INHBC: variants seen among roughly 807,000 people sequenced by gnomAD.
The protein encoded by INHBC is inhibin beta C chain.
A neutral mutation model predicts 12.4 loss-of-function variants in INHBC; 10 were observed. The ratio of observed to expected loss-of-function variants is 0.81; its 90% CI spans 0.50 to 1.37. The LOEUF (loss-of-function observed/expected upper bound fraction) is 1.37, where lower values mean the gene tolerates loss of function less well. Ranked by LOEUF, INHBC falls within the 40% of genes most tolerant of loss-of-function variation. INHBC has a pLI of 0.00. For missense variants in INHBC, 382 were observed against 439.4 expected (o/e 0.87, Z 1.17); for synonymous variants, 147 against 171.6 (o/e 0.86, Z 1.12).
chr12:57,443,761 G>A (rs1335017426), intron 1 of INHBC, among the ~76,000 whole-genome samples: 3 of 152,108 alleles, frequency 2.0e-5, no homozygotes, highest in Non-Finnish European at 4.4e-5. Context: ...TTATAGAAAT[G>A]AAAGACCATT....
intron 1 of INHBC, among the ~76,000 whole-genome samples, chr12:57,448,608 G>A (rs1250685232): frequency 6.6e-6 from 1 of 150,504 alleles, no homozygotes; most frequent in Non-Finnish European, 1.5e-5. Context: ...GCTTGACCAT[G>A]AGTCTAATTA....
chr12:57,445,814 C>T (rs1431426591), intron 1 of INHBC, among the ~76,000 whole-genome samples: 1 of 146,588 alleles, frequency 6.8e-6, no homozygotes, highest in Admixed American at 7.1e-5. Flanking sequence ...GGCATGATCT[C>T]GGCTCACTGC....
In INHBC at chr12:57,445,713, A is replaced by ACCCC. The variant is rs34861543; in HGVS notation, c.314-3561_314-3558dup. Among the ~76,000 whole-genome samples, 5 of 115,496 alleles carry ACCCC rather than the reference A, an allele frequency of 4.3e-5. No homozygotes were observed. The East Asian group carries it at 8.6e-4, about 20-fold the overall frequency. The allele number at this position is 115,496 out of a possible 152,430, so 75.8% of individuals were successfully genotyped here. ...AGACCAGTCTGGGTAACATAGTGAG[A>ACCCC]CCCCCCGCCCATCTCCATGTAAATT... On this transcript the variant is annotated intron_variant, in intron 1 of 1. Transcript: ENST00000309668.
At chr12:57,442,673 T>C (rs1396259867) in intron 1 of INHBC, among the ~76,000 whole-genome samples, 1 of 152,026 alleles carries the variant, frequency 6.6e-6, no homozygotes, top group Admixed American at 6.6e-5. Context: ...AGAGATCTTA[T>C]TGGCTCTGAG....
In INHBC at chr12:57,449,265, T is replaced by C. The variant is rs772602821; in HGVS notation, c.314-12T>C. ...AGAAGGCCGCAATGACTGGGGCTTC[T>C]TATGTCCACAGGCCTCTCCACCATC... On this transcript the variant is annotated splice_polypyrimidine_tract_variant and intron_variant, in intron 1 of 1. Transcript: ENST00000309668. 3.9e-5 allele frequency: 62 copies of C among 1,600,786 alleles called. No individual in the cohort carries two copies. The East Asian group carries it at 1.3e-3, about 34-fold the overall frequency.
At chr12:57,441,629 C>T (rs752889795) in intron 1 of INHBC, among the ~76,000 whole-genome samples, 19 of 150,652 alleles carry the variant, frequency 1.3e-4, no homozygotes, top group Non-Finnish European at 2.7e-4. Flanking sequence ...ATCAATATAA[C>T]AAACCAGCCC....
At chr12:57,444,905 C>G (rs1025131187) in intron 1 of INHBC, among the ~76,000 whole-genome samples, 5 of 152,140 alleles carry the variant, frequency 3.3e-5, no homozygotes, top group African/African-American at 1.2e-4. Context: ...CGGTCTCAAA[C>G]TCCTGGCCTC....
At chr12:57,446,779 T>C (rs1870588577) in intron 1 of INHBC, among the ~76,000 whole-genome samples, 1 of 151,976 alleles carries the variant, frequency 6.6e-6, no homozygotes, top group Admixed American at 6.6e-5. Context: ...CTGGGACAAG[T>C]GTGAGCCACC....
chr12:57,440,736 A>G (rs1372888398), intron 1 of INHBC, among the ~76,000 whole-genome samples: 1 of 152,156 alleles, frequency 6.6e-6, no homozygotes, highest in Non-Finnish European at 1.5e-5. Flanking sequence ...TCATTAGCTA[A>G]ATTCACAACT....
At chr12:57,443,474 G>C (rs939740273) in intron 1 of INHBC, among the ~76,000 whole-genome samples, 1 of 151,812 alleles carries the variant, frequency 6.6e-6, no homozygotes, top group South Asian at 2.1e-4. Flanking sequence ...AGTAGAGATG[G>C]GGTTTCTCCA....
intron 1 of INHBC, 92 bp downstream of exon 1, chr12:57,435,291 A>T: frequency 8.2e-7 from 1 of 1,216,088 alleles, no homozygotes; most frequent in Non-Finnish European, 1.1e-6. Context: ...CTCCTTCCCC[A>T]AAAACCATCC....
chr12:57,444,703 C>T (rs1870539254), intron 1 of INHBC, among the ~76,000 whole-genome samples: 2 of 151,870 alleles, frequency 1.3e-5, no homozygotes, highest in South Asian at 4.2e-4. Context: ...ATTTTTGAGA[C>T]AGCCTTGCTC....
chr12:57,437,114 G>A (rs1054614204), intron 1 of INHBC, among the ~76,000 whole-genome samples: 52 of 152,228 alleles, frequency 3.4e-4, no homozygotes, highest in East Asian at 2.7e-3. Context: ...AGCTGGGTGC[G>A]GTGGAGTGCA....
intron 1 of INHBC, among the ~76,000 whole-genome samples, chr12:57,442,299 G>C (rs963344779): frequency 6.6e-6 from 1 of 152,208 alleles, no homozygotes; most frequent in Non-Finnish European, 1.5e-5. Flanking sequence ...AATATGGAAA[G>C]GGACAGCACA....
chr12:57,444,171 G>A (rs1482801859), intron 1 of INHBC, among the ~76,000 whole-genome samples: 1 of 152,156 alleles, frequency 6.6e-6, no homozygotes, highest in Non-Finnish European at 1.5e-5. Flanking sequence ...AGGCACAACC[G>A]CTGTTTTCAT....
chr12:57,438,310 C>G (rs1870391115), intron 1 of INHBC, among the ~76,000 whole-genome samples: 1 of 151,972 alleles, frequency 6.6e-6, no homozygotes, highest in Admixed American at 6.6e-5. Flanking sequence ...TAGTGCCTGC[C>G]CATGGAGGAA....
chr12:57,440,950 G>A (rs2139831549), intron 1 of INHBC, among the ~76,000 whole-genome samples: 1 of 152,302 alleles, frequency 6.6e-6, no homozygotes, highest in East Asian at 1.9e-4. Flanking sequence ...GCTCATGCTT[G>A]TAATCCCAAC....
In INHBC at chr12:57,450,930, A is replaced by C. The variant is rs1870699619; in HGVS notation, c.*908A>C. 6.6e-6 allele frequency: 1 copy of C among 152,176 alleles called. No homozygotes were observed. Among genetic ancestry groups the C allele is most frequent in the Admixed American group, 6.5e-5 (1 of 15,278 alleles). 9.4% of individuals were successfully genotyped at this position (152,176 alleles called of 1,614,324 possible). On this transcript the variant is annotated 3_prime_UTR_variant, in exon 2 of 2. Transcript: ENST00000309668. ...CCCTTAACTCTGCCTATACCTCTGT[A>C]AATAATTCCTTCACTAAGTTCTCTT...
At position 57,450,321 on chromosome 12, in the gene INHBC, G is replaced by T. The variant is rs1234337534; in HGVS notation, c.*299G>T. The T allele has an allele frequency of 3.8e-6, 1 of 260,498 alleles. No homozygotes were observed. Among genetic ancestry groups the T allele is most frequent in the Non-Finnish European group, 7.3e-6 (1 of 137,830 alleles). 16.1% of individuals were successfully genotyped at this position (260,498 alleles called of 1,614,324 possible). On this transcript the variant is annotated 3_prime_UTR_variant, in exon 2 of 2. Transcript: ENST00000309668. ...TCTCCAACCATGAGCAATGCCATCTGGTTCCCAGGCAAAGACACCCTTAGC... is the reference window on the plus strand; with the variant it reads ...TCTCCAACCATGAGCAATGCCATCTTGTTCCCAGGCAAAGACACCCTTAGC...
Sources: allele counts gnomAD v4.1 joint callset (sites outside exome capture counted in the v4.1 genomes callset), GRCh38; gene constraint gnomAD v4.1.1; transcripts MANE v1.5; gene names NCBI Gene and HGNC (gene_info 2026-07-23, HGNC 2026-07-21).